The following RPL19 variants were observed in gnomAD, a reference collection of about 807,000 sequenced individuals.
RPL19 encodes the protein large ribosomal subunit protein eL19.
RPL19 carries 2 observed loss-of-function variants against 25.1 expected under a neutral mutation model. The observed-to-expected ratio is 0.08, with a 90% CI of 0.03 to 0.25. The LOEUF is 0.25. RPL19 is among the 10% of genes least tolerant of loss of function. The pLI, the probability that RPL19 is intolerant of heterozygous loss-of-function variation, is 1.00. For missense variants in RPL19, 123 were observed against 271.8 expected, an observed-to-expected ratio of 0.45 and a Z score of 3.85; for synonymous variants, 89 against 91.2, an observed-to-expected ratio of 0.98 and a Z score of 0.14.
At chr17:39,202,854 G>T in intron 3 of RPL19, 135 bp from the exon 4 acceptor site, 1 of 956,230 alleles carries the variant, frequency 1.0e-6, no homozygotes, top group Non-Finnish European at 1.6e-6. Context: ...TCTGGAAAAT[G>T]GAAGTAATGC....
chr17:39,201,416 TAGACA>T, intron 2 of RPL19, 97 bp downstream of exon 2: 3 of 710,494 alleles, frequency 4.2e-6, no homozygotes, highest in Non-Finnish European at 7.2e-6. Context: ...TTTTTTTTTT[TAGACA>T]GTCTTGCTCT....
intron 4 of RPL19, among the ~76,000 whole-genome samples, chr17:39,203,427 C>T (rs191380215): frequency 2.6e-5 from 4 of 151,706 alleles, no homozygotes; most frequent in Admixed American, 6.6e-5. Flanking sequence ...GTGATCCGCC[C>T]GCCTTGGCCT....
chr17:39,201,634 AG>A (rs1363059839), intron 2 of RPL19, among the ~76,000 whole-genome samples: 1 of 151,934 alleles, frequency 6.6e-6, no homozygotes, highest in Non-Finnish European at 1.5e-5. Context: ...GTGCAGTGGT[AG>A]GATCTCAGCT....
At chr17:39,202,895 A>T in intron 3 of RPL19, 94 bp from the exon 4 acceptor site, 1 of 1,385,644 alleles carries the variant, frequency 7.2e-7, no homozygotes, top group Non-Finnish European at 1.0e-6. Context: ...GGATTAAATG[A>T]GTTAAGGACC....
chr17:39,204,211 G>T, intron 5 of RPL19, 24 bp downstream of exon 5: 1 of 1,401,884 alleles, frequency 7.1e-7, no homozygotes, highest in South Asian at 1.2e-5. Flanking sequence ...CAGAGTCTTA[G>T]GGGAACATTC....
At chr17:39,201,787 G>C (rs146972769) in intron 2 of RPL19, among the ~76,000 whole-genome samples, 1 of 151,898 alleles carries the variant, frequency 6.6e-6, no homozygotes, top group African/African-American at 2.4e-5. Flanking sequence ...GGTCAGGCTG[G>C]TCTCAAACTC....
At chr17:39,200,378 C>G (rs2046277406) in intron 1 of RPL19, 29 bp downstream of exon 1, 1 of 1,553,512 alleles carries the variant, frequency 6.4e-7, no homozygotes, top group East Asian at 2.4e-5. Context: ...CCATCAGGCG[C>G]TGACGCGTGT....
chr17:39,202,245 G>C, intron 2 of RPL19, 72 bp from the exon 3 acceptor site: 1 of 1,584,782 alleles, frequency 6.3e-7, no homozygotes, highest in Non-Finnish European at 8.6e-7. Context: ...CAGTGTCTCT[G>C]GCCTGGCCTA....
At position 39,200,338 on chromosome 17, in the gene RPL19, C is replaced by A. The variant is rs771528417; in HGVS notation, c.-7C>A. ...AGCTCTTTCCTTTCGCTGCTGCGGC[C>A]GCAGCCATGAGGTGAGGGCGAGCTG... On this transcript the variant is annotated 5_prime_UTR_variant, in exon 1 of 6. Coordinates refer to ENST00000225430, the MANE Select transcript of RPL19 (RefSeq NM_000981.4). The A allele has an allele frequency of 6.4e-7, 1 of 1,560,002 alleles. No individual in the cohort carries two copies. The highest frequency in any genetic ancestry group is 1.4e-5 in the African/African-American group (1 of 73,430).
intron 1 of RPL19, 75 bp downstream of exon 1, chr17:39,200,424 G>T (rs2046277875): frequency 7.1e-7 from 1 of 1,416,486 alleles, no homozygotes; most frequent in African/African-American, 1.5e-5. Flanking sequence ...CCGCAGCTGG[G>T]GTTGGGGGAG....
In RPL19 at chr17:39,200,530, G is replaced by A. The variant is rs555591859; in HGVS notation, c.5+181G>A. 2.5e-5 allele frequency: 33 copies of A among 1,303,124 alleles called. No homozygotes were observed. In the African/African-American group the frequency reaches 4.9e-4, roughly 19 times the overall value. The allele number at this position is 1,303,124 out of a possible 1,614,324, so 80.7% of individuals were successfully genotyped here. A position where few individuals can be genotyped will look rare whatever the true frequency, so the allele number is the denominator to read the frequency against. On this transcript the variant is annotated intron_variant, in intron 1 of 5. Transcript: ENST00000225430. Reference sequence around the variant, plus strand: ...CCTCCGGAGTGAGGGGGGGCGGGGAGCGTCGCAGCAACTGAGACCAGGAAA... The same window carrying A: ...CCTCCGGAGTGAGGGGGGGCGGGGAACGTCGCAGCAACTGAGACCAGGAAA...
At chr17:39,203,990 C>CT (rs2046308075) in intron 4 of RPL19, 87 bp from the exon 5 acceptor site, 18 of 738,172 alleles carry the variant, frequency 2.4e-5, no homozygotes, top group South Asian at 2.4e-4. Flanking sequence ...AAGCTACAAG[C>CT]TTAGTGACCT....
At chr17:39,200,376 C>G (rs1486118665) in intron 1 of RPL19, 27 bp downstream of exon 1, 2 of 1,554,008 alleles carry the variant, frequency 1.3e-6, no homozygotes, top group Non-Finnish European at 1.7e-6. Flanking sequence ...CTCCATCAGG[C>G]GCTGACGCGT....
At chr17:39,204,463 T>A in intron 5 of RPL19, 62 bp from the exon 6 acceptor site, 1 of 1,596,390 alleles carries the variant, frequency 6.3e-7, no homozygotes, top group Non-Finnish European at 8.6e-7. Flanking sequence ...GGGGATGTGC[T>A]TCTGTCTCCC....
At chr17:39,203,673 T>A (rs776446824) in intron 4 of RPL19, among the ~76,000 whole-genome samples, 2 of 151,740 alleles carry the variant, frequency 1.3e-5, no homozygotes, top group Non-Finnish European at 2.9e-5. Flanking sequence ...CACGCCTGGC[T>A]AATTTTTGTA....
intron 4 of RPL19, among the ~76,000 whole-genome samples, chr17:39,203,518 T>C (rs534708009): frequency 4.9e-5 from 7 of 144,310 alleles, no homozygotes; most frequent in Non-Finnish European, 7.6e-5. Flanking sequence ...GTAGGGAGCT[T>C]TTTTTTTTTG....
chr17:39,202,761 T>G, intron 3 of RPL19: 1 of 496,896 alleles, frequency 2.0e-6, no homozygotes, highest in Non-Finnish European at 3.6e-6. Context: ...ACATTCTGCA[T>G]GAAGTGAATG....
chr17:39,202,549 G>T, intron 3 of RPL19, 110 bp downstream of exon 3: 5 of 1,346,532 alleles, frequency 3.7e-6, no homozygotes, highest in Non-Finnish European at 5.2e-6. Flanking sequence ...CTTACTCCTT[G>T]ATATTTGATG....
At position 39,204,616 on chromosome 17, in the gene RPL19, A is replaced by G; in HGVS notation, c.559A>G (p.Thr187Ala). ...GGCCAAGAAGGAGGAGATCATCAAG[A>G]CTTTATCCAAGGAGGAAGAGACCAA... Reference protein sequence around the residue: ...LQAKKEEIIKTLSKEEETKK With the variant: ...LQAKKEEIIKALSKEEETKK The change falls in exon 6 of 6, where the codon ACT (threonine) becomes GCT (alanine). Residue 187 changes from threonine to alanine, a missense_variant. Transcript: ENST00000225430. 1.9e-6 allele frequency: 3 copies of G among 1,614,146 alleles called. No homozygotes were observed. The highest frequency in any genetic ancestry group is 2.5e-6 in the Non-Finnish European group (3 of 1,180,012).
Sources: gnomAD v4.1 joint callset for allele counts (sites outside exome capture counted in the v4.1 genomes callset) on GRCh38, gnomAD v4.1.1 for gene constraint, MANE v1.5 for transcripts, NCBI Gene and HGNC (gene_info 2026-07-23, HGNC 2026-07-21) for gene names.